The following RAP1GDS1 variants were observed in gnomAD, a reference collection of about 807,000 sequenced individuals.
RAP1GDS1 encodes RAP1, GTP-GDP dissociation stimulator 1.
Under a neutral mutation model 71.1 loss-of-function variants are expected in RAP1GDS1, and 35 were observed. The ratio of observed to expected loss-of-function variants is 0.49; its 90% CI spans 0.38 to 0.65. The LOEUF (loss-of-function observed/expected upper bound fraction) is 0.65, where lower values mean the gene tolerates loss of function less well. RAP1GDS1 is among the 30% of genes least tolerant of loss of function. The pLI is 0.00. For missense variants in RAP1GDS1, 663 were observed against 706.1 expected (o/e 0.94, Z 0.69); for synonymous variants, 229 against 243.1 (o/e 0.94, Z 0.54).
intron 1 of RAP1GDS1, among the ~76,000 whole-genome samples, chr4:98,269,171 T>A (rs895535821): frequency 2.0e-5 from 1 of 51,094 alleles, no homozygotes; most frequent in Non-Finnish European, 3.7e-5. Flanking sequence ...TCAATTGATC[T>A]TCAAAAAAAA....
rs559261135 is a variant in RAP1GDS1, at chr4:98,279,245, CAAA to C, written c.5-14160_5-14158del. ...TCTTAAAAACAAACAAACAAACAAA[CAAA>C]AATAATAATAATAGGGCCACTATAT... is the stretch of plus-strand genomic sequence containing the variant. On this transcript the variant is annotated intron_variant, in intron 1 of 14. Transcript: ENST00000408927. Among the ~76,000 whole-genome samples the C allele has an allele frequency of 2.7e-3, 414 of 151,484 alleles. 3 individuals are homozygous for C. Among genetic ancestry groups the C allele is most frequent in the African/African-American group, 9.7e-3 (400 of 41,238 alleles).
chr4:98,382,725 T>G (rs959472649), intron 5 of RAP1GDS1, among the ~76,000 whole-genome samples: 1 of 151,640 alleles, frequency 6.6e-6, no homozygotes, highest in African/African-American at 2.4e-5. Context: ...TTTTCATTGA[T>G]TGACTTTTTC....
intron 8 of RAP1GDS1, 33 bp from the exon 9 acceptor site, chr4:98,417,334 T>C: frequency 3.8e-6 from 6 of 1,588,820 alleles, no homozygotes; most frequent in Non-Finnish European, 5.2e-6. Context: ...GTTATTTTTC[T>C]CTTGCTTAAC....
At chr4:98,302,864 G>T (rs1253682342) in intron 2 of RAP1GDS1, among the ~76,000 whole-genome samples, 1 of 152,086 alleles carries the variant, frequency 6.6e-6, no homozygotes, top group Non-Finnish European at 1.5e-5. Flanking sequence ...TGGCCAATAT[G>T]GCAAAACCTC....
intron 2 of RAP1GDS1, among the ~76,000 whole-genome samples, chr4:98,295,398 G>A (rs1727590850): frequency 6.6e-6 from 1 of 152,068 alleles, no homozygotes; most frequent in East Asian, 1.9e-4. Context: ...ATGCCCTCAA[G>A]CCTAAGACTA....
chr4:98,431,135 A>G (rs1750339793), intron 12 of RAP1GDS1, among the ~76,000 whole-genome samples: 1 of 152,186 alleles, frequency 6.6e-6, no homozygotes, highest in South Asian at 2.1e-4. Context: ...AGAGTAGAGA[A>G]TTCTTTATCA....
chr4:98,376,608 T>G (rs2110478067), intron 4 of RAP1GDS1, among the ~76,000 whole-genome samples: 1 of 152,150 alleles, frequency 6.6e-6, no homozygotes, highest in South Asian at 2.1e-4. Context: ...AAAAATGCTT[T>G]TACTGTGTTT....
intron 4 of RAP1GDS1, among the ~76,000 whole-genome samples, chr4:98,365,366 G>A (rs937914394): frequency 5.9e-5 from 9 of 152,108 alleles, no homozygotes; most frequent in African/African-American, 2.2e-4. Flanking sequence ...TGTAATCCCA[G>A]CACTTTGGGA....
At position 98,313,233 on chromosome 4, in the gene RAP1GDS1, G is replaced by A. The variant is rs544040927; in HGVS notation, c.112+19718G>A. The stretch of plus-strand genomic sequence containing the variant: ...TGTTAGCAGAATTTCTTCTTATTTG[G>A]GTAAGGTGTGTTGTTTATTCTGTTC... On this transcript the variant is annotated intron_variant, in intron 2 of 14. Coordinates refer to ENST00000408927, the MANE Select transcript of RAP1GDS1 (RefSeq NM_001100427.2). 2.0e-5 allele frequency among the ~76,000 whole-genome samples: 3 copies of A among 152,156 alleles called. No homozygotes were observed. In the South Asian group the frequency reaches 6.2e-4, roughly 32 times the overall value.
intron 2 of RAP1GDS1, among the ~76,000 whole-genome samples, chr4:98,311,834 T>G (rs1275537761): frequency 1.3e-5 from 2 of 152,218 alleles, no homozygotes; most frequent in African/African-American, 4.8e-5. Flanking sequence ...ACATGGGGTC[T>G]CACTATGTTG....
chr4:98,313,374 C>G (rs1730536797), intron 2 of RAP1GDS1, among the ~76,000 whole-genome samples: 1 of 152,144 alleles, frequency 6.6e-6, no homozygotes, highest in African/African-American at 2.4e-5. Context: ...CAGAGACATC[C>G]AAAATAATGT....
At chr4:98,334,842 T>A (rs958160679) in intron 2 of RAP1GDS1, among the ~76,000 whole-genome samples, 40 of 149,300 alleles carry the variant, frequency 2.7e-4, no homozygotes, top group Admixed American at 8.0e-4. Context: ...TTTTTTTTTT[T>A]AATCTTGGCT....
chr4:98,393,762 C>T (rs1235068054), intron 6 of RAP1GDS1, among the ~76,000 whole-genome samples: 1 of 152,034 alleles, frequency 6.6e-6, no homozygotes, highest in Non-Finnish European at 1.5e-5. Context: ...AATACACAAT[C>T]GATTTCAAAC....
chr4:98,343,076 T>C, intron 2 of RAP1GDS1, 63 bp from the exon 3 acceptor site: 2 of 1,474,368 alleles, frequency 1.4e-6, no homozygotes, highest in Non-Finnish European at 1.8e-6. Context: ...TTATTGTAGA[T>C]AATGGTTGTC....
At chr4:98,422,336 G>T (rs1455818809) in intron 12 of RAP1GDS1, among the ~76,000 whole-genome samples, 2 of 151,794 alleles carry the variant, frequency 1.3e-5, no homozygotes, top group Non-Finnish European at 2.9e-5. Flanking sequence ...TCCTGCCTCA[G>T]CCTCCAGAGT....
In RAP1GDS1 at chr4:98,416,946, T is replaced by C. The variant is rs1578809875; in HGVS notation, c.907+58T>C. ...GGTTGTCAGATGTTTTTAAAATTTA[T>C]TGTCTCTTCTGTAAATACTACCCTA... On this transcript the variant is annotated intron_variant, in intron 8 of 14. Transcript: ENST00000408927. 1.2e-5 allele frequency: 18 copies of C among 1,557,142 alleles called. No individual in the cohort carries two copies. In the South Asian group the frequency reaches 2.0e-4, roughly 17 times the overall value.
intron 12 of RAP1GDS1, among the ~76,000 whole-genome samples, chr4:98,430,173 A>AT (rs1750201811): frequency 6.6e-6 from 1 of 152,170 alleles, no homozygotes; most frequent in African/African-American, 2.4e-5. Context: ...GAACTGTGGC[A>AT]TGGTACCCTT....
intron 7 of RAP1GDS1, chr4:98,409,229 G>A (rs1280944463): frequency 6.6e-6 from 1 of 152,060 alleles, no homozygotes; most frequent in Non-Finnish European, 1.5e-5. Context: ...AAAATAAAAT[G>A]TGAAAAATAC....
intron 7 of RAP1GDS1, among the ~76,000 whole-genome samples, chr4:98,410,232 A>T (rs1055341790): frequency 8.5e-5 from 13 of 152,234 alleles, no homozygotes; most frequent in Non-Finnish European, 1.6e-4. Context: ...ACAGTGTATA[A>T]AAACTCTTAA....
Sources: gnomAD v4.1 joint callset for allele counts (sites outside exome capture counted in the v4.1 genomes callset) on GRCh38, gnomAD v4.1.1 for gene constraint, MANE v1.5 for transcripts, NCBI Gene and HGNC (gene_info 2026-07-23, HGNC 2026-07-21) for gene names.